The following ZNF436 variants were observed in gnomAD, a reference collection of about 807,000 sequenced individuals.
ZNF436 encodes zinc finger protein 436, also known as DNA-binding protein.
ZNF436 carries 22 observed loss-of-function variants against 41.9 expected under a neutral mutation model. The ratio of observed to expected loss-of-function variants is 0.53; its 90% CI spans 0.38 to 0.75. ZNF436 has a LOEUF of 0.75. Among genes scored for constraint, ZNF436 ranks in the 30% least tolerant of loss-of-function variants. The probability of loss-of-function intolerance (pLI) is 0.00; values close to 1 mark genes in which losing one functional copy is unlikely to be tolerated. For missense variants in ZNF436, 506 were observed against 587.3 expected (o/e 0.86, Z 1.43); for synonymous variants, 217 against 197.8 (o/e 1.10, Z -0.82).
chr1:23,367,291 T>C, intron 2 of ZNF436, 123 bp from the exon 3 acceptor site: 1 of 1,140,894 alleles, frequency 8.8e-7, no homozygotes, highest in Non-Finnish European at 1.2e-6. Context: ...AAATAAGAAA[T>C]AAACAAGCAA....
intron 1 of ZNF436, chr1:23,368,492 C>T (rs1424798081): frequency 6.3e-6 from 1 of 157,826 alleles, no homozygotes; most frequent in African/African-American, 2.4e-5. Context: ...TCTAGTGCGC[C>T]TGTGCCTGCC....
At chr1:23,367,327 C>G (rs1638380888) in intron 2 of ZNF436, among the ~76,000 whole-genome samples, 159 bp from the exon 3 acceptor site, 1 of 152,174 alleles carries the variant, frequency 6.6e-6, no homozygotes, top group Non-Finnish European at 1.5e-5. Context: ...AAGAAGGCAG[C>G]AATTTATGAG....
Position 23,362,846 on chromosome 1 carries a change from G to A in ZNF436, c.536C>T (p.Ser179Leu). 1.2e-6 allele frequency: 2 copies of A among 1,614,224 alleles called. No homozygotes were observed. The highest frequency in any genetic ancestry group is 1.7e-6 in the Non-Finnish European group (2 of 1,180,050). Residue 179 changes from serine (S) to leucine (L), a missense_variant, in exon 4 of 4, where the codon TCA becomes TTA. Around this residue, in one of 2 missense-constraint regions of ZNF436, gnomAD observed 278 missense variants for 372.1 expected, o/e 0.75. Coordinates refer to ENST00000314011, the MANE Select transcript of ZNF436 (RefSeq NM_001077195.2). ...TGTTCTTTGATGCTGAATAAGGTGT[G>A]AGCTGCGACTGAAGCCTTTTCCACA... Reference protein sequence around the residue: ...YECGKGFSRSSHLIQHQRTHT... With the variant: ...YECGKGFSRSLHLIQHQRTHT...
In ZNF436 at chr1:23,359,689, A is replaced by G. The variant is rs1286100662; in HGVS notation, c.*2280T>C. ...AGTCTGATGCATGAGTTCTATACAA[A>G]GTTCAACACAGCAAACGGGCAACAA... On this transcript the variant is annotated 3_prime_UTR_variant, in exon 4 of 4. Transcript: ENST00000314011. 6.5e-6 allele frequency: 1 copy of G among 152,676 alleles called. No homozygotes were observed. The highest frequency in any genetic ancestry group is 1.5e-5 in the Non-Finnish European group (1 of 68,058). The allele number at this position is 152,676 out of a possible 1,614,324, so 9.5% of individuals were successfully genotyped here. A position where few individuals can be genotyped will look rare whatever the true frequency, so the allele number is the denominator to read the frequency against.
Position 23,362,566 on chromosome 1 carries a change from G to T in ZNF436, c.816C>A (p.His272Gln). 1 of 1,613,874 alleles carries T rather than the reference G, an allele frequency of 6.2e-7. No homozygotes were observed. Among genetic ancestry groups the T allele is most frequent in the Non-Finnish European group, 8.5e-7 (1 of 1,179,902 alleles). Residue 272 changes from histidine (H) to glutamine (Q), a missense_variant, in exon 4 of 4, where the codon CAC becomes CAA. His to Gln is a conservative substitution (Grantham distance 24). This residue lies in a region of ZNF436 where 278 missense variants were observed against 372.1 expected (regional missense o/e 0.75). Transcript: ENST00000314011. ...TACATTCATAAGGTTTCTCACCCGT[G>T]TGGGTCCTCTGGTGCTGAGCTAGGT... ...SSHLAQHQRTHTGEKPYECNE... is the reference protein window; with the variant it reads ...SSHLAQHQRTQTGEKPYECNE...
chr1:23,368,031 G>A lies in ZNF436; in HGVS notation c.-26C>T. On this transcript the variant is annotated 5_prime_UTR_variant, in exon 2 of 4. Transcript: ENST00000314011. ...CTCGAGCACAAGGGTTCGCCTCCAG[G>A]GAGAGAGAGCAGGAAAAGCAGCTAG... 4 of 1,613,818 alleles carry A rather than the reference G, an allele frequency of 2.5e-6. No individual in the cohort carries two copies. The highest frequency in any genetic ancestry group is 1.7e-5 in the Admixed American group (1 of 60,012).
rs776065663 is a variant in ZNF436, at chr1:23,362,623, C to T, written c.759G>A (p.Glu253=). The T allele has an allele frequency of 1.5e-5, 25 of 1,613,846 alleles. No homozygotes were observed. In the Admixed American group the frequency reaches 3.3e-4, roughly 22 times the overall value. ...THSGEKPYEC[E]ECGKSFSRSS... is the part of the protein sequence containing the mutation. ...TCCGGCTGAAGCTTTTCCCACACTCCTCACACTCATAGGGTTTCTCACCAC... is the reference window on the plus strand; with the variant it reads ...TCCGGCTGAAGCTTTTCCCACACTCTTCACACTCATAGGGTTTCTCACCAC... Residue 253 remains glutamate (E), a synonymous_variant, in exon 4 of 4, where the codon GAG becomes GAA. Transcript: ENST00000314011.
In ZNF436 at chr1:23,363,228, TA is replaced by T. The variant is rs748710920; in HGVS notation, c.161-8del. ...TCACTCCTGATCTCAAAATCTGTAA[TA>T]AAAAGTAAACAATAAGACTAGTAAG... On this transcript the variant is annotated splice_polypyrimidine_tract_variant and splice_region_variant and intron_variant, in intron 3 of 3. Coordinates refer to ENST00000314011, the MANE Select transcript of ZNF436 (RefSeq NM_001077195.2). 1 of 1,604,578 alleles carries T rather than the reference TA, an allele frequency of 6.2e-7. No homozygotes were observed. The highest frequency in any genetic ancestry group is 1.1e-5 in the South Asian group (1 of 90,514).
chr1:23,362,147 TG>T lies in ZNF436; in HGVS notation c.1234del (p.His412ThrfsTer62). The T allele has an allele frequency of 6.2e-7, 1 of 1,614,206 alleles. No homozygotes were observed. The highest frequency in any genetic ancestry group is 2.2e-5 in the East Asian group (1 of 44,880). On this transcript the variant is annotated frameshift_variant, in exon 4 of 4. Transcript: ENST00000314011. LOFTEE classifies it high-confidence loss of function. ...RSDLIKHQRT[H>X]TGEKPYECVQ... Reference sequence around the variant, plus strand: ...ACACTCGTAGGGCTTCTCCCCTGTGTGGGTTCTCTGATGTTTAATTAGATCT... The same window carrying T: ...ACACTCGTAGGGCTTCTCCCCTGTGTGGTTCTCTGATGTTTAATTAGATCT...
intron 2 of ZNF436, 61 bp downstream of exon 2, chr1:23,367,912 G>A: frequency 6.3e-7 from 1 of 1,592,814 alleles, no homozygotes. Context: ...TTGCAGAGCA[G>A]AGAAACGCCG....
intron 3 of ZNF436, among the ~76,000 whole-genome samples, chr1:23,364,684 T>C (rs1448998870): frequency 6.6e-6 from 1 of 152,238 alleles, no homozygotes; most frequent in Non-Finnish European, 1.5e-5. Context: ...AAAAAAGATG[T>C]CTGGCTGAGA....
At position 23,360,013 on chromosome 1, in the gene ZNF436, C is replaced by T. The variant is rs1020339239; in HGVS notation, c.*1956G>A. The T allele has an allele frequency of 2.0e-5, 3 of 152,580 alleles. No homozygotes were observed. The highest frequency in any genetic ancestry group is 7.2e-5 in the African/African-American group (3 of 41,434). The allele number at this position is 152,580 out of a possible 1,614,324, so 9.5% of individuals were successfully genotyped here. ...TGACATTTATTAAAACCATCAGCAA[C>T]ATATATGAGAAAAGACATATTTGAG... On this transcript the variant is annotated 3_prime_UTR_variant, in exon 4 of 4. Coordinates refer to ENST00000314011, the MANE Select transcript of ZNF436 (RefSeq NM_001077195.2).
At chr1:23,365,239 C>A (rs566485837) in intron 3 of ZNF436, among the ~76,000 whole-genome samples, 1 of 147,840 alleles carries the variant, frequency 6.8e-6, no homozygotes, top group African/African-American at 2.5e-5. Context: ...AAAAAAAAAA[C>A]GCAAAAACTA....
In ZNF436 at chr1:23,362,521, G is replaced by A. The variant is rs757211555; in HGVS notation, c.861C>T (p.Phe287=). 1.2e-6 allele frequency: 2 copies of A among 1,613,810 alleles called. No individual in the cohort carries two copies. Among genetic ancestry groups the A allele is most frequent in the Admixed American group, 1.7e-5 (1 of 59,988 alleles). Residue 287 remains phenylalanine, a synonymous_variant, in exon 4 of 4, where the codon TTC becomes TTT. Transcript: ENST00000314011. ...PYECNECGRG[F]SERSDLIKHY... ...GTTTGATGAGATCAGATCTCTCACT[G>A]AAGCCTCGGCCACATTCGTTACATT...
intron 3 of ZNF436, among the ~76,000 whole-genome samples, chr1:23,363,493 T>C (rs542714164): frequency 6.6e-6 from 1 of 152,288 alleles, no homozygotes; most frequent in South Asian, 2.1e-4. Context: ...TTCACTATAT[T>C]GGTCAGGCTG....
intron 1 of ZNF436, among the ~76,000 whole-genome samples, chr1:23,368,616 T>C (rs79580927): frequency 5.8e-4 from 89 of 152,314 alleles, no homozygotes; most frequent in African/African-American, 2.1e-3. Context: ...GTCCTCCCAG[T>C]CAGGGCGGAG....
rs528398192 is a variant in ZNF436, at chr1:23,368,250, G to A, written c.-60-185C>T. 6 of 561,092 alleles carry A rather than the reference G, an allele frequency of 1.1e-5. No homozygotes were observed. In the East Asian group the frequency reaches 1.5e-4, roughly 14 times the overall value. 34.8% of individuals were successfully genotyped at this position (561,092 alleles called of 1,614,324 possible). On this transcript the variant is annotated intron_variant, in intron 1 of 3. Coordinates refer to ENST00000314011, the MANE Select transcript of ZNF436 (RefSeq NM_001077195.2). ...GCCACAGCGGGGTGGAGGCAATGCC[G>A]GAATCTACTAGGACAGCCCCCTGGC...
rs751363575 is a variant in ZNF436, at chr1:23,362,649, T to C, written c.733A>G (p.Ser245Gly). The change falls in exon 4 of 4, where the codon AGT (serine) becomes GGT (glycine). Residue 245 changes from serine (S) to glycine (G), a missense_variant. Transcript: ENST00000314011. ...SHLIQHQRTH[S>G]GEKPYECEEC... ...TCACACTCATAGGGTTTCTCACCAC[T>C]GTGGGTCCTTTGGTGTTGGATTAGG... 1.2e-6 allele frequency: 2 copies of C among 1,614,234 alleles called. No homozygotes were observed. Among genetic ancestry groups the C allele is most frequent in the Middle Eastern group, 1.6e-4 (1 of 6,062 alleles).
intron 3 of ZNF436, among the ~76,000 whole-genome samples, chr1:23,366,465 T>C (rs1253996235): frequency 2.6e-5 from 4 of 151,972 alleles, no homozygotes; most frequent in African/African-American, 4.8e-5. Flanking sequence ...TTGCAGACCA[T>C]GAAAAAAAAA....
Sources: gnomAD v4.1 joint callset for allele counts (sites outside exome capture counted in the v4.1 genomes callset) on GRCh38, gnomAD v4.1.1 for gene constraint, gnomAD v4.1.1 regional missense constraint, MANE v1.5 for transcripts, NCBI Gene and HGNC (gene_info 2026-07-23, HGNC 2026-07-21) for gene names.